The following FKBP5 variants were observed in gnomAD, a reference collection of about 807,000 sequenced individuals.
FKBP5 encodes the protein peptidyl-prolyl cis-trans isomerase FKBP5.
FKBP5 carries 23 observed loss-of-function variants against 50.5 expected under a neutral mutation model. The ratio of observed to expected loss-of-function variants is 0.46; its 90% CI spans 0.33 to 0.65. The LOEUF is 0.65. Ranked by LOEUF, FKBP5 falls within the 30% of genes least tolerant of loss-of-function variation. The probability of loss-of-function intolerance (pLI) is 0.02; values close to 1 mark genes in which losing one functional copy is unlikely to be tolerated. For synonymous variants in FKBP5, 176 were observed against 190.6 expected (o/e 0.92, Z 0.63); for missense variants, 411 against 553.1 (o/e 0.74, Z 2.58).
chr6:35,624,500 T>TAA (rs756099383), intron 3 of FKBP5, among the ~76,000 whole-genome samples: 11,974 of 151,070 alleles, frequency 0.079, 982 homozygotes, highest in African/African-American at 0.22. Context: ...AAAAAAAATT[T>TAA]TTTTTTTGTC....
chr6:35,632,297 T>C lies in FKBP5; in HGVS notation c.250+4717A>G, dbSNP rs1183740510. Among the ~76,000 whole-genome samples the C allele has an allele frequency of 9.9e-5, 15 of 152,194 alleles. 1 individual carries two copies. ...CCCAACTTCCTGGGGCTAAGCAAGATGGCTGAGCATTGTTTCCAAGGTTTG... is the reference window on the plus strand; with the variant it reads ...CCCAACTTCCTGGGGCTAAGCAAGACGGCTGAGCATTGTTTCCAAGGTTTG... On this transcript the variant is annotated intron_variant, in intron 3 of 10. Coordinates refer to ENST00000357266, the MANE Select transcript of FKBP5 (RefSeq NM_004117.4).
chr6:35,621,077 T>A (rs916923801), intron 3 of FKBP5, among the ~76,000 whole-genome samples: 6 of 152,170 alleles, frequency 3.9e-5, no homozygotes, highest in Admixed American at 3.9e-4. Flanking sequence ...AAATTTAGAA[T>A]CAGAAAAATG....
rs982721806 is a variant in FKBP5 at position 35,599,372 on chromosome 6, C to G, written c.509-1968G>C. On this transcript the variant is annotated intron_variant, in intron 5 of 10. Transcript: ENST00000357266. Reference sequence around the variant, plus strand: ...ATAATTTAATTGAATTACCCCTAGCCCAGGCCTGAGAAATGAGAAAAACTG... The same window carrying G: ...ATAATTTAATTGAATTACCCCTAGCGCAGGCCTGAGAAATGAGAAAAACTG... 1.9e-4 allele frequency among the ~76,000 whole-genome samples: 29 copies of G among 152,224 alleles called. No homozygotes were observed. The East Asian group carries it at 5.2e-3, about 27-fold the overall frequency.
chr6:35,599,195 C>T (rs1480721080), intron 5 of FKBP5, among the ~76,000 whole-genome samples: 1 of 152,068 alleles, frequency 6.6e-6, no homozygotes, highest in Non-Finnish European at 1.5e-5. Flanking sequence ...CAACTATTAC[C>T]TTCCAAATAA....
At chr6:35,701,766 C>T (rs1484630970) in intron 2 of FKBP5, among the ~76,000 whole-genome samples, 1 of 152,068 alleles carries the variant, frequency 6.6e-6, no homozygotes, top group Non-Finnish European at 1.5e-5. Context: ...GTCTCGAACT[C>T]CTGGGCTCAA....
chr6:35,683,095 AGTGTGTGTGTATATATATACGTATAT>A (rs1765717696), intron 1 of FKBP5, among the ~76,000 whole-genome samples: 2 of 147,404 alleles, frequency 1.4e-5, no homozygotes, highest in Non-Finnish European at 3.0e-5. Flanking sequence ...TAAAAAAAAA[AGTGTGTGTGTATATATATACGTATAT>A]GTGTGTGTGT....
chr6:35,711,716 T>A (rs925374131), intron 2 of FKBP5, among the ~76,000 whole-genome samples: 1 of 152,160 alleles, frequency 6.6e-6, no homozygotes, highest in Non-Finnish European at 1.5e-5. Context: ...TATATTGTGA[T>A]AGACATTACA....
Position 35,575,914 on chromosome 6 carries a change from T to G in FKBP5, c.1295A>C (p.Lys432Thr), listed in dbSNP as rs781737852. The G allele has an allele frequency of 1.9e-6, 3 of 1,613,668 alleles. No individual in the cohort carries two copies. The highest frequency in any genetic ancestry group is 2.5e-6 in the Non-Finnish European group (3 of 1,179,548). The change falls in exon 11 of 11, where the codon AAG (lysine) becomes ACG (threonine). Residue 432 changes from lysine to threonine, a missense_variant. Lys to Thr is a moderately conservative substitution (Grantham distance 78). This residue lies in a region of FKBP5 where 88 missense variants were observed against 89.0 expected (regional missense o/e 0.99). Coordinates refer to ENST00000357266, the MANE Select transcript of FKBP5 (RefSeq NM_004117.4). ...TTCATTAGTGACCCCTTCTGAAGTC[T>G]TCTTGCCCATTGCTTTATTGGCCTC... ...KEEANKAMGK[K>T]TSEGVTNEKG...
intron 2 of FKBP5, among the ~76,000 whole-genome samples, chr6:35,694,780 GT>G (rs939496371): frequency 1.3e-5 from 2 of 152,046 alleles, no homozygotes; most frequent in African/African-American, 4.8e-5. Context: ...TAAGATTGGG[GT>G]TTTTTTAGTT....
chr6:35,638,177 G>A (rs1223557572), intron 2 of FKBP5, among the ~76,000 whole-genome samples: 1 of 152,184 alleles, frequency 6.6e-6, no homozygotes, highest in Non-Finnish European at 1.5e-5. Context: ...GTGTGATGGT[G>A]TAATTTGTTA....
intron 2 of FKBP5, among the ~76,000 whole-genome samples, chr6:35,714,257 G>T (rs1394990140): frequency 7.0e-6 from 1 of 143,784 alleles, no homozygotes; most frequent in Non-Finnish European, 1.5e-5. Flanking sequence ...TTCAAGACCA[G>T]CCTGGCCAAC....
In FKBP5 at chr6:35,575,653, A is replaced by G. The variant is rs1282975193; in HGVS notation, c.*182T>C. The G allele has an allele frequency of 3.4e-6, 2 of 592,896 alleles. No homozygotes were observed. The highest frequency in any genetic ancestry group is 3.7e-5 in the African/African-American group (2 of 53,782). 36.7% of individuals were successfully genotyped at this position (592,896 alleles called of 1,614,324 possible). A position where few individuals can be genotyped will look rare whatever the true frequency, so the allele number is the denominator to read the frequency against. On this transcript the variant is annotated 3_prime_UTR_variant, in exon 11 of 11. Coordinates refer to ENST00000357266, the MANE Select transcript of FKBP5 (RefSeq NM_004117.4). ...CTGGAGTGGTCCCGTGCCACCCCTC[A>G]GTGAACCCTCCGGGCAGCAGCAGGG...
At chr6:35,599,156 C>T (rs1763072690) in intron 5 of FKBP5, among the ~76,000 whole-genome samples, 1 of 152,084 alleles carries the variant, frequency 6.6e-6, no homozygotes, top group Non-Finnish European at 1.5e-5. Context: ...ATCACTCGTT[C>T]TGTTATACTC....
At chr6:35,701,416 T>C (rs1428391180) in intron 2 of FKBP5, among the ~76,000 whole-genome samples, 1 of 151,582 alleles carries the variant, frequency 6.6e-6, no homozygotes, top group Non-Finnish European at 1.5e-5. Context: ...GCTAATTTTT[T>C]GTATTTTTAG....
intron 1 of FKBP5, among the ~76,000 whole-genome samples, chr6:35,668,748 AC>A (rs1765299517): frequency 6.6e-6 from 1 of 152,132 alleles, no homozygotes; most frequent in African/African-American, 2.4e-5. Flanking sequence ...AAAATGCACA[AC>A]AATAAAACAA....
chr6:35,617,232 C>T (rs139750925), intron 5 of FKBP5, among the ~76,000 whole-genome samples: 171 of 152,136 alleles, frequency 1.1e-3, no homozygotes, highest in African/African-American at 3.7e-3. Context: ...TTGCCAGACT[C>T]GTAGAAATGA....
intron 3 of FKBP5, among the ~76,000 whole-genome samples, chr6:35,623,209 T>C (rs540541870): frequency 1.8e-4 from 27 of 152,318 alleles, no homozygotes; most frequent in Non-Finnish European, 2.9e-4. Context: ...GCCACTGCAC[T>C]CCAGCCTGGG....
chr6:35,651,919 G>A (rs988609044), intron 1 of FKBP5: 59 of 1,112,372 alleles, frequency 5.3e-5, no homozygotes, highest in Admixed American at 9.7e-5. Context: ...TTCAGTATGA[G>A]TTTTGATACA....
intron 5 of FKBP5, among the ~76,000 whole-genome samples, chr6:35,600,123 A>C (rs773383139): frequency 6.6e-6 from 1 of 152,240 alleles, no homozygotes; most frequent in African/African-American, 2.4e-5. Flanking sequence ...AACATTGAGA[A>C]GGTAAAGATA....
Sources: gnomAD v4.1 joint callset for allele counts (sites outside exome capture counted in the v4.1 genomes callset) on GRCh38, gnomAD v4.1.1 for gene constraint, gnomAD v4.1.1 regional missense constraint, MANE v1.5 for transcripts, NCBI Gene and HGNC (gene_info 2026-07-23, HGNC 2026-07-21) for gene names.